The following PLA2G4C variants were observed in gnomAD, a reference collection of about 807,000 sequenced individuals.
PLA2G4C encodes the protein cytosolic phospholipase A2 gamma.
In PLA2G4C, 64 loss-of-function variants were observed where a neutral mutation model predicts 73.8. The ratio of observed to expected loss-of-function variants is 0.87; its 90% CI spans 0.71 to 1.07. The LOEUF (loss-of-function observed/expected upper bound fraction) is 1.07, where lower values mean the gene tolerates loss of function less well. Among genes scored for constraint, PLA2G4C ranks in the 50% least tolerant of loss-of-function variants. The pLI is 0.00. For synonymous variants in PLA2G4C, 254 were observed against 252.1 expected, an observed-to-expected ratio of 1.01 and a Z score of -0.07; for missense variants, 622 against 665.4, an observed-to-expected ratio of 0.93 and a Z score of 0.72.
chr19:48,055,715 AC>A (rs1173509755), intron 14 of PLA2G4C, among the ~76,000 whole-genome samples: 14 of 152,004 alleles, frequency 9.2e-5, no homozygotes, highest in African/African-American at 2.9e-4. Context: ...ATCTCAGCTC[AC>A]TGCAACCTCC....
In PLA2G4C at chr19:48,052,989, C is replaced by T. The variant is rs1967782288; in HGVS notation, c.1580+8G>A. 1 of 1,600,366 alleles carries T rather than the reference C, an allele frequency of 6.2e-7. No homozygotes were observed. The highest frequency in any genetic ancestry group is 2.2e-5 in the East Asian group (1 of 44,460). On this transcript the variant is annotated splice_region_variant and intron_variant, in intron 16 of 16. Coordinates refer to ENST00000599921, the MANE Select transcript of PLA2G4C (RefSeq NM_003706.3). The stretch of plus-strand genomic sequence containing the variant: ...TAGGCATCAGAGCGACTATGGTCTC[C>T]CACCTACCCGGCCACGTTCATCAAC...
intron 12 of PLA2G4C, among the ~76,000 whole-genome samples, chr19:48,073,687 G>A (rs577693745): frequency 2.6e-5 from 4 of 152,078 alleles, no homozygotes; most frequent in African/African-American, 9.7e-5. Context: ...CAGGAAGCGT[G>A]GTGCTGGCAT....
intron 14 of PLA2G4C, among the ~76,000 whole-genome samples, chr19:48,056,294 T>G (rs1967938525): frequency 6.6e-6 from 1 of 152,002 alleles, no homozygotes; most frequent in South Asian, 2.1e-4. Context: ...ATGTCTGTAA[T>G]CCCAGCACTT....
chr19:48,070,009 A>T (rs1455565613), intron 12 of PLA2G4C, among the ~76,000 whole-genome samples: 3 of 151,884 alleles, frequency 2.0e-5, no homozygotes, highest in Non-Finnish European at 2.9e-5. Context: ...ACCTCAGGTG[A>T]TTCACCCACT....
intron 12 of PLA2G4C, 149 bp downstream of exon 12, chr19:48,074,618 G>A: frequency 1.5e-6 from 1 of 671,466 alleles, no homozygotes; most frequent in Non-Finnish European, 2.7e-6. Flanking sequence ...AACATGAGAT[G>A]TGGAAGGGAA....
intron 13 of PLA2G4C, among the ~76,000 whole-genome samples, chr19:48,062,536 T>C (rs1968229002): frequency 1.3e-5 from 2 of 152,026 alleles, no homozygotes; most frequent in South Asian, 4.1e-4. Flanking sequence ...CTTGAACCCA[T>C]GAGCCGGAGG....
At position 48,049,090 on chromosome 19, in the gene PLA2G4C, C is replaced by T. The variant is rs11564670; in HGVS notation, c.1581-702G>A. Among the ~76,000 whole-genome samples, 714 of 152,264 alleles carry T rather than the reference C, an allele frequency of 4.7e-3. 8 individuals are homozygous for T. Among genetic ancestry groups the T allele is most frequent in the African/African-American group, 0.016 (665 of 41,540 alleles). On this transcript the variant is annotated intron_variant, in intron 16 of 16. Coordinates refer to ENST00000599921, the MANE Select transcript of PLA2G4C (RefSeq NM_003706.3). ...GATTGGATGCTCTCTGAAGCCTTCA[C>T]CAGAAGTAGATACAGGCGCCATGCT...
At chr19:48,053,651 G>C (rs1967816249) in intron 15 of PLA2G4C, among the ~76,000 whole-genome samples, 1 of 148,158 alleles carries the variant, frequency 6.7e-6, no homozygotes, top group Admixed American at 6.7e-5. Flanking sequence ...GGGATTACAG[G>C]CGTGAGCCAC....
At chr19:48,103,583 C>T (rs1206599493) in intron 4 of PLA2G4C, 2 of 152,364 alleles carry the variant, frequency 1.3e-5, no homozygotes, top group Admixed American at 1.3e-4. Flanking sequence ...GTGCCAAGAT[C>T]GATTAGTCAT....
intron 10 of PLA2G4C, among the ~76,000 whole-genome samples, chr19:48,079,943 GGAGT>G (rs1256214199): frequency 6.6e-6 from 1 of 152,194 alleles, no homozygotes; most frequent in African/African-American, 2.4e-5. Context: ...CCTGGGTGAT[GGAGT>G]GAGACTCCGT....
chr19:48,091,016 A>G lies in PLA2G4C; in HGVS notation c.710-599T>C, dbSNP rs1406806437. Among the ~76,000 whole-genome samples, 6 of 151,366 alleles carry G rather than the reference A, an allele frequency of 4.0e-5. No individual in the cohort carries two copies. The East Asian group carries it at 1.2e-3, about 29-fold the overall frequency. ...GAGAGACCCTGACTTCAAAAAAAAA[A>G]AAAAAAGTTGCAGCTTCATTGGATG... is the stretch of plus-strand genomic sequence containing the variant. On this transcript the variant is annotated intron_variant, in intron 7 of 16. Coordinates refer to ENST00000599921, the MANE Select transcript of PLA2G4C (RefSeq NM_003706.3).
rs746795680 is a variant in PLA2G4C, at chr19:48,110,671, T to C, written c.-217A>G. The C allele has an allele frequency of 6.6e-6, 3 of 451,936 alleles. No individual in the cohort carries two copies. The highest frequency in any genetic ancestry group is 5.9e-5 in the East Asian group (1 of 16,928). The allele number at this position is 451,936 out of a possible 1,614,324, so 28.0% of individuals were successfully genotyped here. A position where few individuals can be genotyped will look rare whatever the true frequency, so the allele number is the denominator to read the frequency against. ...AGCTTCTGTGGTCCTCCTGCTTTCC[T>C]TTTCCCCCTGTGGGAGGAGGTCGCG... On this transcript the variant is annotated 5_prime_UTR_variant, in exon 1 of 17. Transcript: ENST00000599921.
chr19:48,091,591 T>C (rs1285187685), intron 7 of PLA2G4C, among the ~76,000 whole-genome samples: 2 of 151,920 alleles, frequency 1.3e-5, no homozygotes, highest in African/African-American at 4.8e-5. Flanking sequence ...CAGGGAGACA[T>C]AAAAAATGAA....
At chr19:48,063,556 C>T (rs1024762741) in intron 13 of PLA2G4C, among the ~76,000 whole-genome samples, 9 of 130,880 alleles carry the variant, frequency 6.9e-5, no homozygotes, top group Admixed American at 3.9e-4. Flanking sequence ...GCCCCTCCCC[C>T]CCACCCCCAT....
At position 48,090,063 on chromosome 19, in the gene PLA2G4C, TAC is replaced by T. The variant is rs1568444436; in HGVS notation, c.763+299_763+300del. 14 of 357,932 alleles carry T rather than the reference TAC, an allele frequency of 3.9e-5. No individual in the cohort carries two copies. In the East Asian group the frequency reaches 7.0e-4, roughly 18 times the overall value. The allele number at this position is 357,932 out of a possible 1,614,324, so 22.2% of individuals were successfully genotyped here. A position where few individuals can be genotyped will look rare whatever the true frequency, so the allele number is the denominator to read the frequency against. On this transcript the variant is annotated intron_variant, in intron 8 of 16. Coordinates refer to ENST00000599921, the MANE Select transcript of PLA2G4C (RefSeq NM_003706.3). ...AATTAACTCATCAAATATTCATAAC[TAC>T]TGTTATTATCACCCGCATGGCACAG...
intron 2 of PLA2G4C, among the ~76,000 whole-genome samples, chr19:48,106,310 C>G (rs1214639878): frequency 6.6e-6 from 1 of 152,050 alleles, no homozygotes; most frequent in Non-Finnish European, 1.5e-5. Flanking sequence ...CCAGGCTAGT[C>G]TCGAACTCTG....
chr19:48,108,755 C>T (rs1401854459), intron 1 of PLA2G4C: 1 of 152,166 alleles, frequency 6.6e-6, no homozygotes, highest in South Asian at 2.1e-4. Flanking sequence ...ATGGTGAAAC[C>T]TTATCTCTAC....
rs374256485 is a variant in PLA2G4C at position 48,088,016 on chromosome 19, A to G, written c.790+670T>C. ...TCTGTCAAGGCTGGGACCTTTGCTC[A>G]CCATTGGGTGTTGCATTTACTCACA... is the stretch of plus-strand genomic sequence containing the variant. On this transcript the variant is annotated intron_variant, in intron 9 of 16. Coordinates refer to ENST00000599921, the MANE Select transcript of PLA2G4C (RefSeq NM_003706.3). 6.6e-5 allele frequency among the ~76,000 whole-genome samples: 10 copies of G among 151,884 alleles called. No individual in the cohort carries two copies. In the South Asian group the frequency reaches 2.1e-3, roughly 32 times the overall value.
intron 10 of PLA2G4C, among the ~76,000 whole-genome samples, chr19:48,081,732 C>A (rs1029095595): frequency 1.3e-5 from 2 of 150,742 alleles, no homozygotes; most frequent in African/African-American, 2.4e-5. Context: ...GCACTCCAGC[C>A]TGGGCAACAA....
Sources: allele counts gnomAD v4.1 joint callset (sites outside exome capture counted in the v4.1 genomes callset), GRCh38; gene constraint gnomAD v4.1.1; transcripts MANE v1.5; gene names NCBI Gene and HGNC (gene_info 2026-07-23, HGNC 2026-07-21).